Variants in KCNIP4 observed in about 807,000 individuals in gnomAD.
KCNIP4 encodes the protein Kv channel-interacting protein 4.
KCNIP4 carries 12 observed loss-of-function variants against 34.0 expected under a neutral mutation model. The ratio of observed to expected loss-of-function variants is 0.35; its 90% CI spans 0.23 to 0.57. The LOEUF is 0.57. Ranked by LOEUF, KCNIP4 falls within the 20% of genes least tolerant of loss-of-function variation. The pLI is 0.83. For synonymous variants in KCNIP4, 124 were observed against 102.2 expected, an observed-to-expected ratio of 1.21 and a Z score of -1.29; for missense variants, 238 against 311.7, an observed-to-expected ratio of 0.76 and a Z score of 1.78.
In KCNIP4 at chr4:21,039,326, T is replaced by C. The variant is rs186625750; in HGVS notation, c.62-156617A>G. 2.9e-4 allele frequency among the ~76,000 whole-genome samples: 43 copies of C among 149,888 alleles called. No homozygotes were observed. The East Asian group carries it at 8.1e-3, about 28-fold the overall frequency. ...TGGAGGTTGTAGTGAGCTGAGATCATGCCACTGCACTCCAGCCTGGGCGAT... is the reference window on the plus strand; with the variant it reads ...TGGAGGTTGTAGTGAGCTGAGATCACGCCACTGCACTCCAGCCTGGGCGAT... On this transcript the variant is annotated intron_variant, in intron 1 of 8. Transcript: ENST00000382152.
intron 1 of KCNIP4, among the ~76,000 whole-genome samples, chr4:21,836,509 A>G (rs2007971): frequency 0.38 from 57,762 of 151,594 alleles, 12,498 homozygotes; most frequent in Non-Finnish European, 0.51. Context: ...TTCTACTTCA[A>G]TGTACATTTT....
chr4:21,365,211 G>A lies in KCNIP4; in HGVS notation c.62-482502C>T, dbSNP rs528925129. On this transcript the variant is annotated intron_variant, in intron 1 of 8. Coordinates refer to ENST00000382152, the MANE Select transcript of KCNIP4 (RefSeq NM_025221.6). Reference sequence around the variant, plus strand: ...TATATTGAAATCATCAAAGGCCAGTGCGGTGGTTCATGCCTGTAATCCCAG... The same window carrying A: ...TATATTGAAATCATCAAAGGCCAGTACGGTGGTTCATGCCTGTAATCCCAG... Among the ~76,000 whole-genome samples the A allele has an allele frequency of 2.0e-3, 309 of 152,180 alleles. 1 individual carries two copies. The highest frequency in any genetic ancestry group is 7.1e-3 in the African/African-American group (295 of 41,530).
At chr4:20,884,336 C>T (rs554739480) in intron 1 of KCNIP4, among the ~76,000 whole-genome samples, 11 of 152,214 alleles carry the variant, frequency 7.2e-5, no homozygotes, top group Admixed American at 3.3e-4. Context: ...TTTTAAGCTC[C>T]GCATGTATGT....
intron 1 of KCNIP4, among the ~76,000 whole-genome samples, chr4:21,239,428 G>C (rs1759627635): frequency 6.6e-6 from 1 of 151,478 alleles, no homozygotes; most frequent in Admixed American, 6.6e-5. Flanking sequence ...TACCATCAGA[G>C]TGAACAGGCA....
chr4:21,236,819 C>A (rs1265877911), intron 1 of KCNIP4, among the ~76,000 whole-genome samples: 1 of 150,290 alleles, frequency 6.7e-6, no homozygotes, highest in Non-Finnish European at 1.5e-5. Flanking sequence ...ACCAGCCTGA[C>A]CAAGATGGTG....
intron 3 of KCNIP4, among the ~76,000 whole-genome samples, chr4:20,814,238 T>C (rs1716112488): frequency 6.6e-6 from 1 of 152,204 alleles, no homozygotes; most frequent in Non-Finnish European, 1.5e-5. Context: ...GTTTGCACAT[T>C]AATGTTTGAG....
intron 1 of KCNIP4, among the ~76,000 whole-genome samples, chr4:21,645,553 G>C (rs1746947868): frequency 6.6e-6 from 1 of 152,134 alleles, no homozygotes; most frequent in Non-Finnish European, 1.5e-5. Flanking sequence ...AGAAAATCTA[G>C]TGAAAATCCA....
chr4:21,188,987 T>C (rs570392329), intron 1 of KCNIP4, among the ~76,000 whole-genome samples: 1 of 152,272 alleles, frequency 6.6e-6, no homozygotes, highest in South Asian at 2.1e-4. Context: ...TGAATCTGAA[T>C]AAAACCTTAC....
intron 1 of KCNIP4, among the ~76,000 whole-genome samples, chr4:21,716,668 G>T (rs759657569): frequency 6.6e-6 from 1 of 152,098 alleles, no homozygotes; most frequent in Non-Finnish European, 1.5e-5. Context: ...TACCCCCAAC[G>T]AGTGAGTCAA....
intron 1 of KCNIP4, among the ~76,000 whole-genome samples, chr4:21,090,503 C>G (rs1746902025): frequency 6.6e-6 from 1 of 152,172 alleles, no homozygotes; most frequent in Non-Finnish European, 1.5e-5. Flanking sequence ...ACCAGATACA[C>G]CTGCCTTCTA....
At chr4:21,393,419 C>T (rs1722721721) in intron 1 of KCNIP4, among the ~76,000 whole-genome samples, 1 of 152,000 alleles carries the variant, frequency 6.6e-6, no homozygotes, top group Non-Finnish European at 1.5e-5. Context: ...AAGGATAGAA[C>T]ACTGGGCAGA....
intron 1 of KCNIP4, among the ~76,000 whole-genome samples, chr4:21,018,174 C>T (rs1046498769): frequency 1.3e-5 from 2 of 152,166 alleles, no homozygotes; most frequent in Non-Finnish European, 2.9e-5. Context: ...CTTTCACACT[C>T]TCTAAAAGCA....
intron 1 of KCNIP4, chr4:21,845,009 G>T (rs925365719): frequency 6.6e-6 from 1 of 150,610 alleles, no homozygotes; most frequent in Non-Finnish European, 1.5e-5. Context: ...ATGCAATTTT[G>T]GTTTACGGTT....
chr4:20,887,374 G>T (rs953095072), intron 1 of KCNIP4, among the ~76,000 whole-genome samples: 1 of 150,998 alleles, frequency 6.6e-6, no homozygotes, highest in Non-Finnish European at 1.5e-5. Context: ...AGTGAAATCT[G>T]TTGAACCAAA....
intron 1 of KCNIP4, among the ~76,000 whole-genome samples, chr4:21,863,561 G>C (rs1214868083): frequency 6.6e-6 from 1 of 152,178 alleles, no homozygotes; most frequent in African/African-American, 2.4e-5. Flanking sequence ...GGAAGGAAGA[G>C]AGGCACAGAA....
In KCNIP4 at chr4:21,348,247, C is replaced by T. The variant is rs139203475; in HGVS notation, c.62-465538G>A. Among the ~76,000 whole-genome samples, 766 of 152,222 alleles carry T rather than the reference C, an allele frequency of 5.0e-3. 4 individuals carry two copies. The highest frequency in any genetic ancestry group is 0.017 in the African/African-American group (716 of 41,538). On this transcript the variant is annotated intron_variant, in intron 1 of 8. Transcript: ENST00000382152. ...CATAACTGAGAAGATATATTATTATCAAGTCACTAACAGTCTTCAATGATG... is the reference window on the plus strand; with the variant it reads ...CATAACTGAGAAGATATATTATTATTAAGTCACTAACAGTCTTCAATGATG...
intron 1 of KCNIP4, among the ~76,000 whole-genome samples, chr4:21,154,248 T>C (rs936464702): frequency 3.9e-5 from 6 of 152,204 alleles, no homozygotes; most frequent in East Asian, 1.9e-4. Context: ...GTTACCCAGA[T>C]TGGATCATCA....
At chr4:21,737,577 A>T (rs1638680275) in intron 1 of KCNIP4, among the ~76,000 whole-genome samples, 1 of 152,184 alleles carries the variant, frequency 6.6e-6, no homozygotes, top group Non-Finnish European at 1.5e-5. Context: ...ACAAGAATGC[A>T]TTCATATTTC....
intron 1 of KCNIP4, among the ~76,000 whole-genome samples, chr4:21,519,874 A>C (rs1012048738): frequency 8.4e-4 from 122 of 145,846 alleles, no homozygotes; most frequent in Admixed American, 2.1e-3. Flanking sequence ...TATATATATA[A>C]ATTATATATA....
Sources: allele counts gnomAD v4.1 joint callset (sites outside exome capture counted in the v4.1 genomes callset), GRCh38; gene constraint gnomAD v4.1.1; transcripts MANE v1.5; gene names NCBI Gene and HGNC (gene_info 2026-07-23, HGNC 2026-07-21).